Variants in CCDC171 observed in about 807,000 individuals in gnomAD.
CCDC171 encodes the protein coiled-coil domain-containing protein 171.
A neutral mutation model predicts 168.2 loss-of-function variants in CCDC171; 177 were observed. The observed-to-expected ratio is 1.05, with a 90% confidence interval of 0.93 to 1.19. CCDC171 has a LOEUF of 1.19. CCDC171 is among the 50% of genes most tolerant of loss of function. CCDC171 has a pLI of 0.00. For synonymous variants in CCDC171, 687 were observed against 540.8 expected (o/e 1.27, Z -3.75); for missense variants, 1,991 against 1,539.0 (o/e 1.29, Z -4.91).
chr9:16,034,647 A>C (rs953142002), intron 6 of CCDC171, among the ~76,000 whole-genome samples: 3 of 152,164 alleles, frequency 2.0e-5, no homozygotes, highest in African/African-American at 7.2e-5. Flanking sequence ...ATCAGAATGG[A>C]CAAGGGGCCA....
At chr9:15,650,257 A>T (rs1314970744) in intron 7 of CCDC171, among the ~76,000 whole-genome samples, 1 of 152,020 alleles carries the variant, frequency 6.6e-6, no homozygotes, top group African/African-American at 2.4e-5. Flanking sequence ...CGTGGGGTGG[A>T]GGGATGGGGG....
At chr9:16,017,682 T>G (rs1833061211) in intron 3 of CCDC171, among the ~76,000 whole-genome samples, 1 of 152,226 alleles carries the variant, frequency 6.6e-6, no homozygotes, top group African/African-American at 2.4e-5. Flanking sequence ...ATTAAAGCAT[T>G]TTGTTAGTTT....
At chr9:15,623,475 G>GCGCGCGCGCACGCGCGCGCA in intron 7 of CCDC171, 62 bp downstream of exon 7, 1 of 293,710 alleles carries the variant, frequency 3.4e-6, no homozygotes, top group African/African-American at 2.4e-5. Context: ...GCGCGCGCGC[G>GCGCGCGCGCACGCGCGCGCA]CACACACACA....
the CCDC171 span, among the ~76,000 whole-genome samples, chr9:16,094,533 A>G: frequency 2.0e-5 from 3 of 152,280 alleles, no homozygotes; most frequent in East Asian, 1.9e-4. Context: ...GGGAGGGGCA[A>G]GAGTCAAGGG....
intron 21 of CCDC171, among the ~76,000 whole-genome samples, chr9:15,815,209 T>G (rs58603418): frequency 0.027 from 4,156 of 152,220 alleles, 192 homozygotes; most frequent in African/African-American, 0.096. Flanking sequence ...GTCTCAAGAC[T>G]TACGCCTCTT....
Position 15,677,879 on chromosome 9 carries a change from C to CATATAT in CCDC171, c.1077-837_1077-832dup, listed in dbSNP as rs71325929. 2.2e-3 allele frequency among the ~76,000 whole-genome samples: 28 copies of CATATAT among 12,480 alleles called. 6 individuals carry two copies. Among genetic ancestry groups the CATATAT allele is most frequent in the African/African-American group, 4.1e-3 (18 of 4,392 alleles). 8.2% of individuals were successfully genotyped at this position (12,480 alleles called of 152,430 possible). ...TGTATATATATATGTGTGTGTGTGT[C>CATATAT]ATATATATATATATATATATATATA... is the stretch of plus-strand genomic sequence containing the variant. On this transcript the variant is annotated intron_variant, in intron 9 of 25. Transcript: ENST00000380701.
At chr9:15,802,834 C>T (rs866809605) in intron 21 of CCDC171, among the ~76,000 whole-genome samples, 1 of 152,144 alleles carries the variant, frequency 6.6e-6, no homozygotes, top group African/African-American at 2.4e-5. Context: ...AATCACCACA[C>T]TGTCTTCCAC....
At chr9:15,555,560 C>T (rs1474196667) in intron 1 of CCDC171, among the ~76,000 whole-genome samples, 1 of 152,182 alleles carries the variant, frequency 6.6e-6, no homozygotes, top group African/African-American at 2.4e-5. Context: ...TGAACTGTGT[C>T]TTGAGGGCCA....
chr9:15,945,895 T>A (rs1371403201), intron 25 of CCDC171, among the ~76,000 whole-genome samples: 2 of 150,364 alleles, frequency 1.3e-5, no homozygotes, highest in African/African-American at 4.8e-5. Flanking sequence ...TTAGATCCCA[T>A]TTGTCAATTT....
At chr9:15,911,656 C>A (rs764750414) in intron 24 of CCDC171, among the ~76,000 whole-genome samples, 1 of 152,160 alleles carries the variant, frequency 6.6e-6, no homozygotes, top group Non-Finnish European at 1.5e-5. Context: ...CCTAGGTTCT[C>A]TTGTTGGATT....
chr9:15,642,279 ATG>A (rs1245636920), intron 7 of CCDC171, among the ~76,000 whole-genome samples: 3 of 145,066 alleles, frequency 2.1e-5, no homozygotes, highest in Non-Finnish European at 3.0e-5. Flanking sequence ...ATGAACATAT[ATG>A]TGTGTGTGTA....
chr9:15,720,233 T>C (rs557612187), intron 11 of CCDC171, among the ~76,000 whole-genome samples: 1 of 152,318 alleles, frequency 6.6e-6, no homozygotes, highest in South Asian at 2.1e-4. Flanking sequence ...AGTTGCTCTA[T>C]CATTAACTAA....
the CCDC171 span, among the ~76,000 whole-genome samples, chr9:16,104,335 T>C: frequency 6.6e-6 from 1 of 151,772 alleles, no homozygotes; most frequent in Non-Finnish European, 1.5e-5. Flanking sequence ...CTCTTAGGTC[T>C]CCAAAGCTCC....
At chr9:15,880,515 G>A (rs922865776) in intron 24 of CCDC171, among the ~76,000 whole-genome samples, 21 of 148,634 alleles carry the variant, frequency 1.4e-4, no homozygotes, top group Admixed American at 2.0e-4. Context: ...GGAGTGCAGT[G>A]ACGTGATCTC....
intron 8 of CCDC171, among the ~76,000 whole-genome samples, chr9:16,037,476 C>A (rs1206000805): frequency 6.6e-6 from 1 of 152,032 alleles, no homozygotes; most frequent in Non-Finnish European, 1.5e-5. Flanking sequence ...AAATGGTTTC[C>A]CATGAGAGAG....
At chr9:15,730,700 C>T (rs901757581) in intron 16 of CCDC171, among the ~76,000 whole-genome samples, 20 of 151,630 alleles carry the variant, frequency 1.3e-4, no homozygotes, top group African/African-American at 4.8e-4. Context: ...CATTCTGTAT[C>T]CCCAAATTTA....
At chr9:15,699,535 G>A (rs900813805) in intron 11 of CCDC171, among the ~76,000 whole-genome samples, 4 of 152,088 alleles carry the variant, frequency 2.6e-5, no homozygotes, top group Non-Finnish European at 5.9e-5. Context: ...GGCACTGATT[G>A]GTGCGTTTAC....
At chr9:15,683,241 C>T (rs1001569942) in intron 10 of CCDC171, among the ~76,000 whole-genome samples, 3 of 151,814 alleles carry the variant, frequency 2.0e-5, no homozygotes, top group African/African-American at 7.3e-5. Flanking sequence ...TATTTTTTCC[C>T]CAATACTTTT....
chr9:15,566,299 T>C (rs866885471), intron 2 of CCDC171, among the ~76,000 whole-genome samples: 7 of 152,242 alleles, frequency 4.6e-5, no homozygotes, highest in Admixed American at 3.3e-4. Flanking sequence ...AACTCATGCC[T>C]GTAATCCCAG....
Sources: allele counts gnomAD v4.1 joint callset (sites outside exome capture counted in the v4.1 genomes callset), GRCh38; gene constraint gnomAD v4.1.1; transcripts MANE v1.5; gene names NCBI Gene and HGNC (gene_info 2026-07-23, HGNC 2026-07-21).